COL15A1: variants seen among roughly 807,000 people sequenced by gnomAD.
COL15A1 encodes the protein collagen type XV alpha 1 chain.
A neutral mutation model predicts 165.9 loss-of-function variants in COL15A1; 111 were observed. The observed-to-expected ratio is 0.67, with a 90% CI of 0.57 to 0.78. The LOEUF is 0.78. Ranked by LOEUF, COL15A1 falls within the 30% of genes least tolerant of loss-of-function variation. The pLI is 0.00. For missense variants in COL15A1, 1,745 were observed against 1,789.7 expected (o/e 0.98, Z 0.45); for synonymous variants, 659 against 674.8 (o/e 0.98, Z 0.36).
chr9:99,068,535 G>T lies in COL15A1; in HGVS notation c.3838-20G>T, dbSNP rs375121383. 4.2e-6 allele frequency: 4 copies of T among 960,886 alleles called. No individual in the cohort carries two copies. The highest frequency in any genetic ancestry group is 3.8e-5 in the South Asian group (2 of 52,500). The allele number at this position is 960,886 out of a possible 1,614,324, so 59.5% of individuals were successfully genotyped here. A position where few individuals can be genotyped will look rare whatever the true frequency, so the allele number is the denominator to read the frequency against. On this transcript the variant is annotated intron_variant, in intron 40 of 41. Coordinates refer to ENST00000375001, the MANE Select transcript of COL15A1 (RefSeq NM_001855.5). ...AGGCTGATGGTATAATGATTCTAAT[G>T]TGGTATTTTGTCTCTATAGGGCCAA...
At chr9:99,024,772 A>G (rs1839091816) in intron 14 of COL15A1, 102 bp from the exon 15 acceptor site, 18 of 1,390,938 alleles carry the variant, frequency 1.3e-5, no homozygotes, top group East Asian at 2.3e-5. Flanking sequence ...CAAACCCTAC[A>G]TGTAGGATTG....
At chr9:98,991,213 A>C (rs556544709) in intron 5 of COL15A1, among the ~76,000 whole-genome samples, 43 of 152,176 alleles carry the variant, frequency 2.8e-4, no homozygotes, top group Non-Finnish European at 3.5e-4. Flanking sequence ...GACCTCACCA[A>C]GTTGCCGCTG....
intron 26 of COL15A1, among the ~76,000 whole-genome samples, chr9:99,045,529 A>G (rs1034308100): frequency 6.6e-6 from 1 of 152,232 alleles, no homozygotes; most frequent in African/African-American, 2.4e-5. Context: ...CTCAAGGGCG[A>G]ACCCTAAACT....
At chr9:98,987,813 T>C (rs1198141480) in intron 4 of COL15A1, among the ~76,000 whole-genome samples, 5 of 152,164 alleles carry the variant, frequency 3.3e-5, no homozygotes, top group Admixed American at 1.3e-4. Context: ...CCTCTAAGGA[T>C]TGACTGAGCA....
chr9:99,065,893 GT>G (rs1382927201), intron 39 of COL15A1, among the ~76,000 whole-genome samples: 5 of 151,824 alleles, frequency 3.3e-5, no homozygotes, highest in African/African-American at 1.2e-4. Context: ...GACCACCATG[GT>G]GATCCTGGTC....
chr9:99,066,776 C>A, intron 39 of COL15A1, 106 bp from the exon 40 acceptor site: 2 of 994,600 alleles, frequency 2.0e-6, no homozygotes, highest in Non-Finnish European at 3.0e-6. Flanking sequence ...CTCCAACGTG[C>A]CTTCCAGCCT....
intron 2 of COL15A1, among the ~76,000 whole-genome samples, chr9:98,968,988 C>A (rs1160960597): frequency 1.3e-5 from 2 of 152,194 alleles, no homozygotes; most frequent in South Asian, 2.1e-4. Context: ...CCAATCCCAG[C>A]CCCCCAGACT....
At chr9:99,022,468 C>T (rs1839044150) in intron 13 of COL15A1, among the ~76,000 whole-genome samples, 1 of 152,218 alleles carries the variant, frequency 6.6e-6, no homozygotes, top group Non-Finnish European at 1.5e-5. Context: ...TATGTGGTCA[C>T]CAAGAGAGAA....
At chr9:99,052,713 C>A (rs1839611587) in intron 31 of COL15A1, among the ~76,000 whole-genome samples, 1 of 152,194 alleles carries the variant, frequency 6.6e-6, no homozygotes, top group Admixed American at 6.5e-5. Context: ...TTCACTGATG[C>A]CTATTCCTTA....
At chr9:99,054,869 T>G (rs918466393) in intron 32 of COL15A1, among the ~76,000 whole-genome samples, 18 of 152,182 alleles carry the variant, frequency 1.2e-4, no homozygotes, top group Non-Finnish European at 1.0e-4. Context: ...ATTCATCTTT[T>G]ATATGCAAAA....
At chr9:99,010,506 G>C (rs1310252194) in intron 9 of COL15A1, among the ~76,000 whole-genome samples, 1 of 152,212 alleles carries the variant, frequency 6.6e-6, no homozygotes, top group East Asian at 1.9e-4. Flanking sequence ...GGGGTCAGCT[G>C]CTTAGTCCAG....
At chr9:98,946,577 G>A (rs866500773) in intron 2 of COL15A1, among the ~76,000 whole-genome samples, 20 of 152,162 alleles carry the variant, frequency 1.3e-4, no homozygotes, top group African/African-American at 2.7e-4. Flanking sequence ...CCTCAAGGCC[G>A]CATGACTGTA....
chr9:99,033,028 TGTAGTTGACTTA>T lies in COL15A1; in HGVS notation c.2044-1518_2044-1507del, dbSNP rs571016091. On this transcript the variant is annotated intron_variant, in intron 16 of 41. Transcript: ENST00000375001. ...ACTCCATTTCCTTGGATGTAAATTC[TGTAGTTGACTTA>T]GTTGTTTCTCACAGTATTGCCTTGC... Among the ~76,000 whole-genome samples the T allele has an allele frequency of 7.2e-5, 11 of 152,392 alleles. No homozygotes were observed. The South Asian group carries it at 2.1e-3, about 29-fold the overall frequency.
intron 16 of COL15A1, among the ~76,000 whole-genome samples, chr9:99,028,481 T>G (rs897558293): frequency 4.6e-5 from 7 of 152,026 alleles, no homozygotes; most frequent in Admixed American, 3.9e-4. Flanking sequence ...TGGAACTTCG[T>G]CTCTACTAAA....
At chr9:99,014,847 G>C (rs1476503081) in intron 9 of COL15A1, among the ~76,000 whole-genome samples, 1 of 152,172 alleles carries the variant, frequency 6.6e-6, no homozygotes, top group African/African-American at 2.4e-5. Context: ...TGGGGAGGGG[G>C]CTTCCATGTC....
intron 16 of COL15A1, among the ~76,000 whole-genome samples, chr9:99,026,512 G>A (rs1217580266): frequency 6.6e-6 from 1 of 152,196 alleles, no homozygotes; most frequent in African/African-American, 2.4e-5. Context: ...ACACACCCTA[G>A]CTCTGTGCAG....
At chr9:98,991,210 C>G (rs1448128144) in intron 5 of COL15A1, among the ~76,000 whole-genome samples, 1 of 152,128 alleles carries the variant, frequency 6.6e-6, no homozygotes, top group Non-Finnish European at 1.5e-5. Flanking sequence ...AAGGACCTCA[C>G]CAAGTTGCCG....
At chr9:99,056,167 T>A (rs1442885309) in intron 34 of COL15A1, 93 bp from the exon 35 acceptor site, 9 of 1,306,980 alleles carry the variant, frequency 6.9e-6, no homozygotes, top group Non-Finnish European at 1.0e-5. Context: ...TGGTGTTTAT[T>A]GATTTCTTTT....
chr9:98,991,219 C>G (rs979692738), intron 5 of COL15A1, among the ~76,000 whole-genome samples: 1 of 151,594 alleles, frequency 6.6e-6, no homozygotes, highest in Non-Finnish European at 1.5e-5. Context: ...ACCAAGTTGC[C>G]GCTGCTCACT....
Sources: allele counts gnomAD v4.1 joint callset (sites outside exome capture counted in the v4.1 genomes callset), GRCh38; gene constraint gnomAD v4.1.1; transcripts MANE v1.5; gene names NCBI Gene and HGNC (gene_info 2026-07-23, HGNC 2026-07-21).